ZCCHC8: variants seen among roughly 807,000 people sequenced by gnomAD.
ZCCHC8 encodes zinc finger CCHC-type containing 8.
ZCCHC8 carries 27 observed loss-of-function variants against 70.6 expected under a neutral mutation model. The observed-to-expected ratio is 0.38, with a 90% CI of 0.28 to 0.53. The LOEUF (loss-of-function observed/expected upper bound fraction) is 0.53. Among genes scored for constraint, ZCCHC8 ranks in the 20% least tolerant of loss-of-function variants. The probability of loss-of-function intolerance (pLI) is 0.81; values close to 1 mark genes in which losing one functional copy is unlikely to be tolerated. For missense variants in ZCCHC8, 737 were observed against 876.9 expected, an observed-to-expected ratio of 0.84 and a Z score of 2.01; for synonymous variants, 293 against 317.4, an observed-to-expected ratio of 0.92 and a Z score of 0.82.
intron 2 of ZCCHC8, among the ~76,000 whole-genome samples, chr12:122,494,377 C>A (rs1280018959): frequency 6.7e-6 from 1 of 149,958 alleles, no homozygotes; most frequent in African/African-American, 2.5e-5. Context: ...CATGGTGCAA[C>A]CCCGTTTCTA....
intron 5 of ZCCHC8, among the ~76,000 whole-genome samples, chr12:122,486,795 C>A (rs1462289380): frequency 6.6e-6 from 1 of 152,154 alleles, no homozygotes. Flanking sequence ...GTCTCCAACT[C>A]CTGACCTCAG....
intron 13 of ZCCHC8, among the ~76,000 whole-genome samples, chr12:122,475,441 C>A (rs987992628): frequency 2.0e-5 from 3 of 152,190 alleles, no homozygotes; most frequent in Non-Finnish European, 4.4e-5. Context: ...TCCACAGATA[C>A]AACCTGTCCA....
chr12:122,474,190 C>G lies in ZCCHC8; in HGVS notation c.1431G>C (p.Arg477=). The G allele has an allele frequency of 6.6e-7, 1 of 1,511,518 alleles. No individual in the cohort carries two copies. Among genetic ancestry groups the G allele is most frequent in the South Asian group, 1.4e-5 (1 of 70,614 alleles). The allele number at this position is 1,511,518 out of a possible 1,614,324, so 93.6% of individuals were successfully genotyped here. Residue 477 remains arginine, a synonymous_variant, in exon 14 of 14, where the codon CGG becomes CGC. Coordinates refer to ENST00000633063, the MANE Select transcript of ZCCHC8 (RefSeq NM_017612.5). ...GGGTGAAGACGGGTGGAGGAGTTCC[C>G]CGGGGGAGTGGAGGAGTGTCAGGAG... ...PLPPDTPPLP[R]GTPPPVFTPP...
In ZCCHC8 at chr12:122,482,866, T is replaced by G. The variant is rs550507012; in HGVS notation, c.672-171A>C. On this transcript the variant is annotated intron_variant, in intron 7 of 13. Coordinates refer to ENST00000633063, the MANE Select transcript of ZCCHC8 (RefSeq NM_017612.5). The stretch of plus-strand genomic sequence containing the variant: ...CTTTAATCTCCTTTATTTAGTGATT[T>G]AAATAGTACTATGCAGAGTCTTTTA... The G allele has an allele frequency of 6.3e-5, 37 of 591,382 alleles. No individual in the cohort carries two copies. The East Asian group carries it at 1.0e-3, about 17-fold the overall frequency. 36.6% of individuals were successfully genotyped at this position (591,382 alleles called of 1,614,324 possible).
In ZCCHC8 at chr12:122,474,072, G is replaced by C. The variant is rs780307861; in HGVS notation, c.1549C>G (p.Leu517Val). 1.3e-6 allele frequency: 2 copies of C among 1,522,832 alleles called. No homozygotes were observed. Among genetic ancestry groups the C allele is most frequent in the Non-Finnish European group, 1.8e-6 (2 of 1,138,156 alleles). 94.3% of individuals were successfully genotyped at this position (1,522,832 alleles called of 1,614,324 possible). The change falls in exon 14 of 14, where the codon CTA becomes GTA. Residue 517 changes from leucine (L) to valine (V), a missense_variant. Leu to Val is a conservative substitution (Grantham distance 32). Transcript: ENST00000633063. ...CTCTGCTGTTCTTCAAGTTCTTCTA[G>C]AGTCAGTGCGTCCTCATCCACAGCT... ...SGAVDEDALT[L>V]EELEEQQRRI...
intron 5 of ZCCHC8, among the ~76,000 whole-genome samples, chr12:122,485,222 C>A (rs542336676): frequency 2.0e-5 from 3 of 152,184 alleles, no homozygotes; most frequent in Non-Finnish European, 4.4e-5. Flanking sequence ...TCAAGCGATT[C>A]TCCTGCCTCA....
chr12:122,486,051 T>C (rs1593323151), intron 5 of ZCCHC8, among the ~76,000 whole-genome samples: 1 of 152,160 alleles, frequency 6.6e-6, no homozygotes, highest in East Asian at 1.9e-4. Flanking sequence ...AATAACTTCC[T>C]AACTGGTTTT....
At chr12:122,487,632 T>C (rs1341983765) in intron 5 of ZCCHC8, among the ~76,000 whole-genome samples, 1 of 152,238 alleles carries the variant, frequency 6.6e-6, no homozygotes, top group Admixed American at 6.5e-5. Context: ...AGTTGAAATG[T>C]ACCTTCTTGT....
At chr12:122,482,154 A>G in intron 8 of ZCCHC8, 67 bp from the exon 9 acceptor site, 13 of 1,487,738 alleles carry the variant, frequency 8.7e-6, no homozygotes, top group Non-Finnish European at 1.2e-5. Context: ...AATTAAATAA[A>G]AATACTTTTT....
Position 122,500,715 on chromosome 12 carries a change from A to G in ZCCHC8, c.126T>C (p.Asn42=), listed in dbSNP as rs893027662. The stretch of plus-strand genomic sequence containing the variant: ...CCCGTAGCTCCGCGTCGCCGACCCC[A>G]TTTTCGTCCTCCTCGTCGCCGTCGT... ...KDDDGDEEDE[N]GVGDAELRER... The change falls in exon 1 of 14, where the codon AAT becomes AAC. Residue 42 remains asparagine, a synonymous_variant. Coordinates refer to ENST00000633063, the MANE Select transcript of ZCCHC8 (RefSeq NM_017612.5). The surrounding 1 kb of genome is among the most constrained non-coding windows in gnomAD (Gnocchi z 4.8). 6.9e-6 allele frequency: 11 copies of G among 1,582,752 alleles called. No individual in the cohort carries two copies. The highest frequency in any genetic ancestry group is 9.4e-6 in the Non-Finnish European group (11 of 1,165,428).
intron 2 of ZCCHC8, 145 bp from the exon 3 acceptor site, chr12:122,492,934 G>C: frequency 1.7e-6 from 1 of 595,642 alleles, no homozygotes; most frequent in Non-Finnish European, 3.0e-6. Flanking sequence ...GCTGTGGTGA[G>C]ATCTTGGATC....
intron 2 of ZCCHC8, among the ~76,000 whole-genome samples, chr12:122,496,794 A>G (rs1170467974): frequency 6.6e-6 from 1 of 152,168 alleles, no homozygotes; most frequent in African/African-American, 2.4e-5. Flanking sequence ...GCCAAAAATG[A>G]GTTTAGATAC....
At chr12:122,490,245 A>G (rs1957721778) in intron 4 of ZCCHC8, among the ~76,000 whole-genome samples, 1 of 152,178 alleles carries the variant, frequency 6.6e-6, no homozygotes. Flanking sequence ...ACCCAAAACC[A>G]CATGTCCAAG....
In ZCCHC8 at chr12:122,483,653, T is replaced by C. The variant is rs1566293741; in HGVS notation, c.502-90A>G. 6.7e-6 allele frequency: 7 copies of C among 1,044,142 alleles called. No homozygotes were observed. The highest frequency in any genetic ancestry group is 9.8e-6 in the Non-Finnish European group (7 of 714,426). The allele number at this position is 1,044,142 out of a possible 1,614,324, so 64.7% of individuals were successfully genotyped here. ...ATTATGATTAACTGTTTTAACAATT[T>C]ATTTTTGGATGGAATTATTAGAAAT... On this transcript the variant is annotated intron_variant, in intron 5 of 13. Transcript: ENST00000633063. This position sits in a 1 kb window ranked among gnomAD's most constrained non-coding sequence, Gnocchi z 4.4.
intron 7 of ZCCHC8, 52 bp from the exon 8 acceptor site, chr12:122,482,747 C>A: frequency 1.3e-6 from 2 of 1,493,592 alleles, no homozygotes; most frequent in East Asian, 2.3e-5. Context: ...AATAGAAAAG[C>A]AAATCAATAA....
rs374249730 is a variant in ZCCHC8, at chr12:122,477,999, G to A, written c.1228-41C>T. ...GACCAAACACAAGTTAAGCGGGGTA[G>A]ATAATGAATTAAACTCCATCCCTTC... On this transcript the variant is annotated intron_variant, in intron 12 of 13. Transcript: ENST00000633063. 1.6e-4 allele frequency: 241 copies of A among 1,471,288 alleles called. 5 individuals carry two copies. In the South Asian group the frequency reaches 2.7e-3, roughly 16 times the overall value. 91.1% of individuals were successfully genotyped at this position (1,471,288 alleles called of 1,614,324 possible).
chr12:122,478,399 CCTT>C (rs1411428873), intron 11 of ZCCHC8, 107 bp from the exon 12 acceptor site: 3 of 745,826 alleles, frequency 4.0e-6, no homozygotes, highest in Non-Finnish European at 6.5e-6. Flanking sequence ...TTACATTTTT[CCTT>C]CTTATGTTAC....
At chr12:122,497,733 G>C (rs1052059667) in intron 2 of ZCCHC8, among the ~76,000 whole-genome samples, 1 of 151,938 alleles carries the variant, frequency 6.6e-6, no homozygotes, top group African/African-American at 2.4e-5. Context: ...CCTAGGCTGG[G>C]CATGGTGGCT....
chr12:122,478,092 T>C, intron 12 of ZCCHC8, 114 bp downstream of exon 12: 1 of 1,247,692 alleles, frequency 8.0e-7, no homozygotes, highest in Non-Finnish European at 1.2e-6. Context: ...GCCACTGTTT[T>C]CCTTTTGGTT....
Sources: gnomAD v4.1 joint callset for allele counts (sites outside exome capture counted in the v4.1 genomes callset) on GRCh38, gnomAD v4.1.1 for gene constraint, Gnocchi (gnomAD v3.1) non-coding constraint, MANE v1.5 for transcripts, NCBI Gene and HGNC (gene_info 2026-07-23, HGNC 2026-07-21) for gene names.